Variants in ADGRL3 observed in about 807,000 individuals in gnomAD.
The protein encoded by ADGRL3 is adhesion G protein-coupled receptor L3.
ADGRL3 carries 62 observed loss-of-function variants against 153.5 expected under a neutral mutation model. The ratio of observed to expected loss-of-function variants is 0.40; its 90% CI spans 0.33 to 0.50. The LOEUF (loss-of-function observed/expected upper bound fraction) is 0.50. Among genes scored for constraint, ADGRL3 ranks in the 20% least tolerant of loss-of-function variants. The pLI, the probability that ADGRL3 is intolerant of heterozygous loss-of-function variation, is 0.47. For synonymous variants in ADGRL3, 710 were observed against 672.5 expected (o/e 1.06, Z -0.86); for missense variants, 1,641 against 1,859.4 (o/e 0.88, Z 2.16).
At position 61,977,962 on chromosome 4, in the gene ADGRL3, G is replaced by A. The variant is rs147422261; in HGVS notation, c.2806-1601G>A. Among the ~76,000 whole-genome samples the A allele has an allele frequency of 6.6e-3, 1,007 of 152,072 alleles. 5 individuals carry two copies. The highest frequency in any genetic ancestry group is 0.023 in the African/African-American group (954 of 41,496). ...GCCCCCTCCCTCCCTACCACCTCTG[G>A]TAGTCCCAAGTTTCTATCGTGGCCA... On this transcript the variant is annotated intron_variant, in intron 17 of 26. Transcript: ENST00000683033.
chr4:61,946,990 G>A lies in ADGRL3; in HGVS notation c.2496G>A (p.Leu832=). 1 of 1,613,754 alleles carries A rather than the reference G, an allele frequency of 6.2e-7. No individual in the cohort carries two copies. The highest frequency in any genetic ancestry group is 8.5e-7 in the Non-Finnish European group (1 of 1,179,784). Residue 832 remains leucine, a synonymous_variant, in exon 16 of 27, where the codon TTG becomes TTA. Coordinates refer to ENST00000683033, the MANE Select transcript of ADGRL3 (RefSeq NM_001387552.1). ...YLSTENASMK[L]GTEALSTNHS... is the part of the protein sequence containing the mutation. ...CCACGGAGAATGCCAGTATGAAGTTGGGAACGGAAGCTTTGTCCACAAATC... is the reference window on the plus strand; with the variant it reads ...CCACGGAGAATGCCAGTATGAAGTTAGGAACGGAAGCTTTGTCCACAAATC...
chr4:61,639,014 T>C (rs1560977300), intron 5 of ADGRL3, among the ~76,000 whole-genome samples: 1 of 152,130 alleles, frequency 6.6e-6, no homozygotes. Context: ...TGACCACATT[T>C]CCTAAGCCAG....
At chr4:61,871,417 A>C (rs891251634) in intron 9 of ADGRL3, among the ~76,000 whole-genome samples, 1 of 152,180 alleles carries the variant, frequency 6.6e-6, no homozygotes, top group Non-Finnish European at 1.5e-5. Flanking sequence ...GTACTGATTC[A>C]TGGAATCTCA....
chr4:61,269,864 C>T (rs948799738), intron 1 of ADGRL3, among the ~76,000 whole-genome samples: 12 of 151,586 alleles, frequency 7.9e-5, no homozygotes, highest in African/African-American at 2.7e-4. Flanking sequence ...TGAGAGCTGG[C>T]AGAATCTTTT....
intron 1 of ADGRL3, among the ~76,000 whole-genome samples, chr4:61,373,861 T>C (rs914351350): frequency 2.6e-5 from 4 of 152,188 alleles, no homozygotes; most frequent in African/African-American, 9.6e-5. Flanking sequence ...TTTCCCCCAA[T>C]AGTCATGCAA....
At chr4:61,299,006 CT>C (rs2094498548) in intron 1 of ADGRL3, among the ~76,000 whole-genome samples, 2 of 152,096 alleles carry the variant, frequency 1.3e-5, no homozygotes, top group Admixed American at 6.5e-5. Flanking sequence ...CAAGATTCTA[CT>C]TTTGCAAATG....
chr4:61,373,993 A>T (rs1420324349), intron 1 of ADGRL3, among the ~76,000 whole-genome samples: 1 of 152,142 alleles, frequency 6.6e-6, no homozygotes, highest in Non-Finnish European at 1.5e-5. Context: ...ACCCACACAT[A>T]CACGAATCCT....
chr4:61,846,317 T>TA (rs879823030), intron 9 of ADGRL3, among the ~76,000 whole-genome samples: 168 of 142,366 alleles, frequency 1.2e-3, no homozygotes, highest in Middle Eastern at 3.7e-3. Flanking sequence ...ACCCTGTCTC[T>TA]AAAAAAAAAA....
intron 17 of ADGRL3, among the ~76,000 whole-genome samples, chr4:61,971,689 T>G (rs1007134173): frequency 1.4e-3 from 213 of 152,194 alleles, no homozygotes; most frequent in African/African-American, 4.3e-3. Context: ...GGGATGGCTG[T>G]GTCAAATGGT....
In ADGRL3 at chr4:61,280,107, C is replaced by CTTTTTTTTTT; in HGVS notation, c.-240+78347_-240+78348insTTTTTTTTTT. On this transcript the variant is annotated intron_variant, in intron 1 of 26. Transcript: ENST00000683033. ...AAAGTATTTTCTTTTCTTTTCTTTT[C>CTTTTTTTTTT]TTTTTCTTTTTTTTTTTTTTGAGAC... Among the ~76,000 whole-genome samples the CTTTTTTTTTT allele has an allele frequency of 9.3e-4, 88 of 94,610 alleles. 3 individuals carry two copies. Among genetic ancestry groups the CTTTTTTTTTT allele is most frequent in the African/African-American group, 1.2e-3 (31 of 26,174 alleles). The allele number at this position is 94,610 out of a possible 152,430, so 62.1% of individuals were successfully genotyped here.
At chr4:61,678,047 C>A (rs2095250333) in intron 6 of ADGRL3, among the ~76,000 whole-genome samples, 1 of 151,972 alleles carries the variant, frequency 6.6e-6, no homozygotes, top group Admixed American at 6.6e-5. Context: ...GAAAAATCCT[C>A]AGAGTACAGG....
intron 13 of ADGRL3, among the ~76,000 whole-genome samples, chr4:61,931,430 A>G (rs967590181): frequency 3.3e-5 from 5 of 152,174 alleles, no homozygotes; most frequent in Admixed American, 2.6e-4. Context: ...AGCACTTGTT[A>G]TGAGCCAGAA....
intron 9 of ADGRL3, among the ~76,000 whole-genome samples, chr4:61,889,012 T>C (rs765774773): frequency 6.6e-5 from 10 of 152,176 alleles, no homozygotes; most frequent in Non-Finnish European, 1.5e-4. Context: ...TTGTCCCACT[T>C]TATCCTTTCT....
intron 5 of ADGRL3, among the ~76,000 whole-genome samples, chr4:61,653,946 A>C: frequency 6.6e-6 from 1 of 152,210 alleles, no homozygotes; most frequent in Non-Finnish European, 1.5e-5. Flanking sequence ...AGATGTCGCT[A>C]CATTCAATTA....
chr4:61,814,892 C>T (rs1317080329), intron 9 of ADGRL3, among the ~76,000 whole-genome samples: 2 of 152,058 alleles, frequency 1.3e-5, no homozygotes, highest in Non-Finnish European at 2.9e-5. Context: ...ACACCTAAGA[C>T]ACTGGATTTT....
At chr4:61,936,388 A>T (rs527474126) in intron 15 of ADGRL3, among the ~76,000 whole-genome samples, 76 of 152,240 alleles carry the variant, frequency 5.0e-4, no homozygotes, top group African/African-American at 1.6e-3. Context: ...CACTTGTAAA[A>T]TTTTTAATGT....
chr4:61,924,431 CA>C (rs2098785368), intron 13 of ADGRL3, among the ~76,000 whole-genome samples: 1 of 152,152 alleles, frequency 6.6e-6, no homozygotes, highest in South Asian at 2.1e-4. Context: ...CAAATATTAT[CA>C]ATGGCACAAA....
intron 21 of ADGRL3, among the ~76,000 whole-genome samples, chr4:62,023,298 G>A (rs1248487957): frequency 6.6e-6 from 1 of 152,140 alleles, no homozygotes; most frequent in Non-Finnish European, 1.5e-5. Flanking sequence ...ATTTTAATAT[G>A]TGAAGAGTTG....
chr4:61,308,362 G>A (rs1044994525), intron 1 of ADGRL3, among the ~76,000 whole-genome samples: 26 of 152,208 alleles, frequency 1.7e-4, no homozygotes, highest in African/African-American at 6.0e-4. Flanking sequence ...AAGGGTGACA[G>A]TGAGAAGAGA....
Sources: gnomAD v4.1 joint callset for allele counts (sites outside exome capture counted in the v4.1 genomes callset) on GRCh38, gnomAD v4.1.1 for gene constraint, MANE v1.5 for transcripts, NCBI Gene and HGNC (gene_info 2026-07-23, HGNC 2026-07-21) for gene names.